GALNT18: variants seen among roughly 807,000 people sequenced by gnomAD.
GALNT18 encodes polypeptide N-acetylgalactosaminyltransferase 18, also known as GalNAc-transferase 18.
GALNT18 carries 44 observed loss-of-function variants against 69.5 expected under a neutral mutation model. That is an observed-to-expected ratio of 0.63 (90% CI 0.50 to 0.81). The LOEUF is 0.81. GALNT18 is among the 40% of genes least tolerant of loss of function. GALNT18 has a pLI of 0.00. For missense variants in GALNT18, 715 were observed against 810.0 expected (o/e 0.88, Z 1.42); for synonymous variants, 364 against 318.2 (o/e 1.14, Z -1.53).
intron 9 of GALNT18, among the ~76,000 whole-genome samples, chr11:11,307,015 G>A (rs1849590391): frequency 6.6e-6 from 1 of 152,190 alleles, no homozygotes; most frequent in Non-Finnish European, 1.5e-5. Flanking sequence ...CACACACATG[G>A]CCCAGAAGCC....
intron 3 of GALNT18, among the ~76,000 whole-genome samples, chr11:11,390,427 G>C (rs1854159609): frequency 6.6e-6 from 1 of 152,192 alleles, no homozygotes; most frequent in African/African-American, 2.4e-5. Context: ...ACATACACCA[G>C]GCAACCAGTG....
intron 1 of GALNT18, among the ~76,000 whole-genome samples, chr11:11,585,477 T>A (rs1301437711): frequency 6.6e-6 from 1 of 151,692 alleles, no homozygotes; most frequent in Non-Finnish European, 1.5e-5. Context: ...TGCCTCAGCC[T>A]CCGGAGTAGC....
chr11:11,509,907 CA>C (rs1472896586), intron 1 of GALNT18, among the ~76,000 whole-genome samples: 3 of 152,236 alleles, frequency 2.0e-5, no homozygotes, highest in Non-Finnish European at 4.4e-5. Context: ...GGGTCACTCC[CA>C]GCACCACGCA....
At chr11:11,576,721 G>A (rs944454178) in intron 1 of GALNT18, among the ~76,000 whole-genome samples, 1 of 152,228 alleles carries the variant, frequency 6.6e-6, no homozygotes, top group Non-Finnish European at 1.5e-5. Flanking sequence ...GTTAGTGCAT[G>A]GCACTAATGA....
chr11:11,584,074 G>C lies in GALNT18; in HGVS notation c.235+37285C>G, dbSNP rs1291162251. ...ACAGATTTAAGCTTTGAAAACTGTGGTCAAGCAGAAAAGAGATAAGAGGAC... is the reference window on the plus strand; with the variant it reads ...ACAGATTTAAGCTTTGAAAACTGTGCTCAAGCAGAAAAGAGATAAGAGGAC... On this transcript the variant is annotated intron_variant, in intron 1 of 10. Transcript: ENST00000227756. The surrounding 1 kb of genome is among the most constrained non-coding windows in gnomAD (Gnocchi z 4.1). Among the ~76,000 whole-genome samples, 2 of 151,998 alleles carry C rather than the reference G, an allele frequency of 1.3e-5. No individual in the cohort carries two copies. Among genetic ancestry groups the C allele is most frequent in the African/African-American group, 4.8e-5 (2 of 41,386 alleles).
In GALNT18 at chr11:11,392,438, G is replaced by A. The variant is rs149244423; in HGVS notation, c.596-13174C>T. On this transcript the variant is annotated intron_variant, in intron 3 of 10. Transcript: ENST00000227756. ...AGTTCAAGACCAGCCTAACCAACAC[G>A]GAGAAACCCTGTCTCTACTAAAAAT... 3.1e-3 allele frequency among the ~76,000 whole-genome samples: 477 copies of A among 152,218 alleles called. 3 individuals carry two copies. The highest frequency in any genetic ancestry group is 0.01 in the African/African-American group (434 of 41,518).
chr11:11,379,292 A>C (rs1284497345), intron 3 of GALNT18, 28 bp from the exon 4 acceptor site: 8 of 1,599,886 alleles, frequency 5.0e-6, no homozygotes, highest in Non-Finnish European at 6.8e-6. Context: ...CAGCCTTAGC[A>C]TGGGAGGGAG....
At chr11:11,536,879 A>G (rs914243208) in intron 1 of GALNT18, among the ~76,000 whole-genome samples, 1 of 152,184 alleles carries the variant, frequency 6.6e-6, no homozygotes, top group Non-Finnish European at 1.5e-5. Context: ...TGTTAAGGCA[A>G]AAAAGAACAG....
intron 1 of GALNT18, among the ~76,000 whole-genome samples, chr11:11,597,723 C>T (rs1012127905): frequency 3.3e-5 from 5 of 149,700 alleles, no homozygotes; most frequent in Admixed American, 6.7e-5. Flanking sequence ...TGCAGTGGAG[C>T]GATCTGGGCT....
At chr11:11,567,395 G>A (rs1858679519) in intron 1 of GALNT18, among the ~76,000 whole-genome samples, 2 of 152,152 alleles carry the variant, frequency 1.3e-5, no homozygotes, top group Non-Finnish European at 2.9e-5. Context: ...GAAGGTGGAG[G>A]CATTTGGAGG....
In GALNT18 at chr11:11,480,780, CAG is replaced by C. The variant is rs1856510053; in HGVS notation, c.236-31846_236-31845del. Among the ~76,000 whole-genome samples, 1 of 152,158 alleles carries C rather than the reference CAG, an allele frequency of 6.6e-6. No homozygotes were observed. On this transcript the variant is annotated intron_variant, in intron 1 of 10. Transcript: ENST00000227756. This position sits in a 1 kb window ranked among gnomAD's most constrained non-coding sequence, Gnocchi z 4.6. ...TGCTCTACAGAACCCTAGTTCCGTG[CAG>C]AGTTATTAAGTGCTATGTGATAGAA... is the stretch of plus-strand genomic sequence containing the variant.
At chr11:11,481,090 A>G (rs770615609) in intron 1 of GALNT18, among the ~76,000 whole-genome samples, 46 of 152,226 alleles carry the variant, frequency 3.0e-4, no homozygotes, top group East Asian at 7.7e-4. Flanking sequence ...GGAAACTCCA[A>G]TGGAATCCTG....
rs1853948835 is a variant in GALNT18 at position 11,382,670 on chromosome 11, G to T, written c.596-3406C>A. The stretch of plus-strand genomic sequence containing the variant: ...TCACAAAGATTTTATCAGGATTTTT[G>T]CTGCCCTATCTTTGCTAAACCTTTG... On this transcript the variant is annotated intron_variant, in intron 3 of 10. Coordinates refer to ENST00000227756, the MANE Select transcript of GALNT18 (RefSeq NM_198516.3). The surrounding 1 kb of genome is among the most constrained non-coding windows in gnomAD (Gnocchi z 4.3). Among the ~76,000 whole-genome samples, 1 of 152,122 alleles carries T rather than the reference G, an allele frequency of 6.6e-6. No individual in the cohort carries two copies. The highest frequency in any genetic ancestry group is 2.1e-4 in the South Asian group (1 of 4,826).
At chr11:11,579,102 G>C (rs12285616) in intron 1 of GALNT18, among the ~76,000 whole-genome samples, 7,579 of 152,296 alleles carry the variant, frequency 0.05, 627 homozygotes, top group African/African-American at 0.17. Flanking sequence ...AGACACATAG[G>C]TTTGGCTGGG....
chr11:11,346,893 T>C (rs1174958232), intron 6 of GALNT18, among the ~76,000 whole-genome samples: 1 of 152,164 alleles, frequency 6.6e-6, no homozygotes, highest in African/African-American at 2.4e-5. Context: ...GGCTCTGTCA[T>C]ATATTAGTCT....
chr11:11,278,848 A>T (rs1849005178), intron 10 of GALNT18, among the ~76,000 whole-genome samples: 1 of 152,232 alleles, frequency 6.6e-6, no homozygotes, highest in Admixed American at 6.5e-5. Context: ...AACTAAAAGT[A>T]GAATTGGAAT....
At chr11:11,572,649 GC>G (rs200546816) in intron 1 of GALNT18, among the ~76,000 whole-genome samples, 3,434 of 152,182 alleles carry the variant, frequency 0.023, 122 homozygotes, top group African/African-American at 0.077. Flanking sequence ...TCTACACAGA[GC>G]AATGGTGCAG....
intron 1 of GALNT18, among the ~76,000 whole-genome samples, chr11:11,530,452 C>A (rs1857620916): frequency 6.6e-6 from 1 of 152,214 alleles, no homozygotes; most frequent in African/African-American, 2.4e-5. Flanking sequence ...TGGGAAGACC[C>A]TGCTCAAAAT....
chr11:11,610,367 T>G (rs1357406483), intron 1 of GALNT18, among the ~76,000 whole-genome samples: 2 of 152,220 alleles, frequency 1.3e-5, no homozygotes, highest in Non-Finnish European at 2.9e-5. Flanking sequence ...AATTTCTTCA[T>G]CTGTGAAATG....
Sources: gnomAD v4.1 joint callset for allele counts (sites outside exome capture counted in the v4.1 genomes callset) on GRCh38, gnomAD v4.1.1 for gene constraint, Gnocchi (gnomAD v3.1) non-coding constraint, MANE v1.5 for transcripts, NCBI Gene and HGNC (gene_info 2026-07-23, HGNC 2026-07-21) for gene names.